The following KLHL7 variants were observed in gnomAD, a reference collection of about 807,000 sequenced individuals.
The protein encoded by KLHL7 is kelch-like protein 7.
KLHL7 carries 44 observed loss-of-function variants against 67.4 expected under a neutral mutation model. That is an observed-to-expected ratio of 0.65 (90% CI 0.51 to 0.84). KLHL7 has a LOEUF of 0.84. KLHL7 is among the 40% of genes least tolerant of loss of function. The pLI, the probability that KLHL7 is intolerant of heterozygous loss-of-function variation, is 0.00. For missense variants in KLHL7, 362 were observed against 718.1 expected, an observed-to-expected ratio of 0.50 and a Z score of 5.67; for synonymous variants, 252 against 243.3, an observed-to-expected ratio of 1.04 and a Z score of -0.33.
chr7:23,149,919 A>G (rs947076477), intron 6 of KLHL7, among the ~76,000 whole-genome samples: 5 of 152,198 alleles, frequency 3.3e-5, no homozygotes, highest in Admixed American at 6.5e-5. Context: ...TTCACCAACT[A>G]TTCTCCAAAT....
intron 7 of KLHL7, among the ~76,000 whole-genome samples, chr7:23,159,308 C>T (rs571296704): frequency 5.9e-5 from 9 of 152,124 alleles, no homozygotes; most frequent in East Asian, 5.8e-4. Flanking sequence ...GGACTACAGG[C>T]GTGCATCACC....
In KLHL7 at chr7:23,174,999, T is replaced by C. The variant is rs1412386213; in HGVS notation, c.*701T>C. The C allele has an allele frequency of 6.7e-6, 3 of 448,618 alleles. No homozygotes were observed. Among genetic ancestry groups the C allele is most frequent in the Non-Finnish European group, 1.3e-5 (3 of 224,156 alleles). 27.8% of individuals were successfully genotyped at this position (448,618 alleles called of 1,614,324 possible). On this transcript the variant is annotated 3_prime_UTR_variant, in exon 11 of 11. Transcript: ENST00000339077. ...TAATTTATGTCTCTGTTTTATCCAG[T>C]GGTTAAAAAAGGATTCTGCCTCTTT...
rs763618403 is a variant in KLHL7 at position 23,125,028 on chromosome 7, T to C, written c.318-20T>C. The C allele has an allele frequency of 1.2e-6, 2 of 1,603,548 alleles. No individual in the cohort carries two copies. The highest frequency in any genetic ancestry group is 1.7e-6 in the Non-Finnish European group (2 of 1,170,652). ...ATAAAAAATCATGGGTAACTAATAT[T>C]CCCTCTAACTTATTTGCAGAATTTC... is the stretch of plus-strand genomic sequence containing the variant. On this transcript the variant is annotated intron_variant, in intron 3 of 10. Coordinates refer to ENST00000339077, the MANE Select transcript of KLHL7 (RefSeq NM_001031710.3).
In KLHL7 at chr7:23,105,967, A is replaced by C; in HGVS notation, c.-60A>C. On this transcript the variant is annotated 5_prime_UTR_variant, in exon 1 of 11. Transcript: ENST00000339077. ...GGTCGATAGAATCCCCAGTGTGCCC[A>C]GAGAGTGCGACCCCTCGCCCGGCCC... is the stretch of plus-strand genomic sequence containing the variant. 1 of 1,583,866 alleles carries C rather than the reference A, an allele frequency of 6.3e-7. No homozygotes were observed. The highest frequency in any genetic ancestry group is 2.3e-5 in the East Asian group (1 of 44,060).
At chr7:23,124,984 C>T (rs760640850) in intron 3 of KLHL7, 64 bp from the exon 4 acceptor site, 5 of 1,452,634 alleles carry the variant, frequency 3.4e-6, no homozygotes, top group South Asian at 2.3e-5. Context: ...AGGATACATT[C>T]CACAGTAACA....
intron 1 of KLHL7, among the ~76,000 whole-genome samples, chr7:23,118,410 G>T (rs1783188015): frequency 6.6e-6 from 1 of 152,202 alleles, no homozygotes. Context: ...TACCCACCCA[G>T]TCTGAGGCAG....
intron 4 of KLHL7, among the ~76,000 whole-genome samples, chr7:23,127,913 C>G (rs1204356718): frequency 6.6e-6 from 1 of 151,112 alleles, no homozygotes; most frequent in African/African-American, 2.4e-5. Context: ...AACAGAAAAC[C>G]AAGCTAAACA....
At chr7:23,125,971 C>A (rs1218596044) in intron 4 of KLHL7, 3 of 850,134 alleles carry the variant, frequency 3.5e-6, no homozygotes, top group Non-Finnish European at 1.9e-6. Context: ...TACATACATG[C>A]CTATGATGAA....
At chr7:23,139,656 T>G (rs1784109450) in intron 4 of KLHL7, among the ~76,000 whole-genome samples, 1 of 152,188 alleles carries the variant, frequency 6.6e-6, no homozygotes, top group Non-Finnish European at 1.5e-5. Flanking sequence ...GCATCAAAAT[T>G]CATTAAATGA....
intron 1 of KLHL7, chr7:23,106,708 C>A: frequency 8.0e-6 from 8 of 998,012 alleles, no homozygotes; most frequent in Non-Finnish European, 9.6e-6. Flanking sequence ...TCTAAGGGCA[C>A]TGTGCGCCTC....
At chr7:23,137,160 C>A (rs940738894) in intron 4 of KLHL7, among the ~76,000 whole-genome samples, 1 of 152,168 alleles carries the variant, frequency 6.6e-6, no homozygotes, top group Admixed American at 6.5e-5. Flanking sequence ...TGGTGTGTGC[C>A]TATAATCCCA....
chr7:23,115,049 C>T (rs577029849), intron 1 of KLHL7, among the ~76,000 whole-genome samples: 1 of 152,280 alleles, frequency 6.6e-6, no homozygotes, highest in East Asian at 1.9e-4. Context: ...AGCCAGAAAG[C>T]GTTTGCTTGA....
chr7:23,155,402 C>G (rs949685729), intron 7 of KLHL7, among the ~76,000 whole-genome samples: 2 of 152,134 alleles, frequency 1.3e-5, no homozygotes, highest in Non-Finnish European at 2.9e-5. Flanking sequence ...GTGGCTCACA[C>G]CTGTAATCCC....
intron 7 of KLHL7, among the ~76,000 whole-genome samples, chr7:23,161,874 G>A (rs1472270581): frequency 6.6e-6 from 1 of 152,166 alleles, no homozygotes; most frequent in African/African-American, 2.4e-5. Context: ...AGTATGCTGA[G>A]CCCTGGGCCA....
At chr7:23,117,936 CCTT>C (rs760857923) in intron 1 of KLHL7, 2 of 1,614,082 alleles carry the variant, frequency 1.2e-6, no homozygotes, top group Non-Finnish European at 8.5e-7. Context: ...GATTGCAGAA[CCTT>C]CTTGACAAGC....
At chr7:23,117,022 A>G (rs956837852) in intron 1 of KLHL7, among the ~76,000 whole-genome samples, 1 of 148,086 alleles carries the variant, frequency 6.8e-6, no homozygotes, top group Non-Finnish European at 1.5e-5. Flanking sequence ...GAAATCCTCT[A>G]ATTTTCTCTT....
intron 1 of KLHL7, among the ~76,000 whole-genome samples, chr7:23,119,991 G>T (rs1422569393): frequency 6.6e-6 from 1 of 151,868 alleles, no homozygotes; most frequent in East Asian, 1.9e-4. Flanking sequence ...TGTATACCTG[G>T]TTTGTTTTAT....
chr7:23,117,959 C>A, intron 1 of KLHL7: 1 of 1,614,020 alleles, frequency 6.2e-7, no homozygotes, highest in Non-Finnish European at 8.5e-7. Context: ...CCACATAAAT[C>A]TAAAGGTTAG....
intron 1 of KLHL7, among the ~76,000 whole-genome samples, chr7:23,112,798 G>A (rs1376610674): frequency 6.6e-6 from 1 of 152,212 alleles, no homozygotes; most frequent in African/African-American, 2.4e-5. Flanking sequence ...TAGAATATGA[G>A]GAAATTCTGG....
Sources: gnomAD v4.1 joint callset for allele counts (sites outside exome capture counted in the v4.1 genomes callset) on GRCh38, gnomAD v4.1.1 for gene constraint, MANE v1.5 for transcripts, NCBI Gene and HGNC (gene_info 2026-07-23, HGNC 2026-07-21) for gene names.